Variants in AGBL1 observed in about 807,000 individuals in gnomAD.
AGBL1 encodes cytosolic carboxypeptidase 4.
In AGBL1, 130 loss-of-function variants were observed where a neutral mutation model predicts 118.9. That is an observed-to-expected ratio of 1.09 (90% CI 0.95 to 1.26). The LOEUF (loss-of-function observed/expected upper bound fraction) is 1.26. AGBL1 is among the 50% of genes most tolerant of loss of function. AGBL1 has a pLI of 0.00. For synonymous variants in AGBL1, 555 were observed against 478.9 expected (o/e 1.16, Z -2.08); for missense variants, 1,584 against 1,298.1 (o/e 1.22, Z -3.38).
chr15:86,384,887 G>C (rs1270808625), intron 17 of AGBL1, among the ~76,000 whole-genome samples: 3 of 152,184 alleles, frequency 2.0e-5, no homozygotes, highest in African/African-American at 7.2e-5. Flanking sequence ...CAGCAAAACA[G>C]AATGTTTTGA....
intron 19 of AGBL1, among the ~76,000 whole-genome samples, chr15:86,545,327 G>T (rs889758480): frequency 3.3e-5 from 5 of 152,158 alleles, no homozygotes; most frequent in African/African-American, 1.2e-4. Context: ...AAATTAGAGT[G>T]ATTGATTAGC....
intron 5 of AGBL1, among the ~76,000 whole-genome samples, chr15:86,196,042 G>A (rs57291843): frequency 0.061 from 9,283 of 152,012 alleles, 438 homozygotes; most frequent in East Asian, 0.22. Flanking sequence ...AAAAACCATA[G>A]GATATCTGAT....
At chr15:86,411,640 C>T (rs573096112) in intron 18 of AGBL1, among the ~76,000 whole-genome samples, 2 of 152,228 alleles carry the variant, frequency 1.3e-5, no homozygotes, top group African/African-American at 4.8e-5. Context: ...ACAGAAAATG[C>T]TTTCTTCTCT....
At chr15:86,932,675 T>C (rs1422676087) in intron 23 of AGBL1, among the ~76,000 whole-genome samples, 2 of 152,336 alleles carry the variant, frequency 1.3e-5, no homozygotes, top group East Asian at 3.9e-4. Context: ...CAAAATCGCT[T>C]TGCAATGACA....
At chr15:86,725,573 C>T (rs1301176895) in intron 22 of AGBL1, among the ~76,000 whole-genome samples, 5 of 152,258 alleles carry the variant, frequency 3.3e-5, no homozygotes, top group South Asian at 2.1e-4. Context: ...CCTTTGTATG[C>T]GTGAATCTGC....
intron 22 of AGBL1, among the ~76,000 whole-genome samples, chr15:86,857,406 A>G (rs2141472369): frequency 6.6e-6 from 1 of 152,150 alleles, no homozygotes; most frequent in African/African-American, 2.4e-5. Flanking sequence ...TCGAGCCCAC[A>G]TCCATGCCTC....
chr15:86,171,892 A>C (rs940448645), intron 5 of AGBL1, among the ~76,000 whole-genome samples: 2 of 152,222 alleles, frequency 1.3e-5, no homozygotes, highest in African/African-American at 4.8e-5. Context: ...CATTCACAAC[A>C]ACCTAGATGA....
intron 6 of AGBL1, among the ~76,000 whole-genome samples, chr15:86,238,964 G>C (rs2078598827): frequency 6.6e-6 from 1 of 152,060 alleles, no homozygotes; most frequent in Non-Finnish European, 1.5e-5. Flanking sequence ...GTGCAGCATT[G>C]CAACCTAAGG....
At chr15:86,551,005 A>G (rs1281990351) in intron 20 of AGBL1, among the ~76,000 whole-genome samples, 4 of 152,062 alleles carry the variant, frequency 2.6e-5, no homozygotes, top group East Asian at 3.8e-4. Flanking sequence ...AGGAAATCCA[A>G]TGGGTAATTA....
chr15:86,943,629 C>T (rs1256965498), intron 23 of AGBL1, among the ~76,000 whole-genome samples: 1 of 152,186 alleles, frequency 6.6e-6, no homozygotes, highest in East Asian at 1.9e-4. Context: ...CGGCCGGCAC[C>T]ATGTTGCCTG....
At chr15:86,361,343 A>G (rs2080802141) in intron 17 of AGBL1, among the ~76,000 whole-genome samples, 2 of 152,040 alleles carry the variant, frequency 1.3e-5, no homozygotes, top group Admixed American at 1.3e-4. Flanking sequence ...TGAATTTGTT[A>G]AGAATTGTTT....
intron 18 of AGBL1, among the ~76,000 whole-genome samples, chr15:86,450,297 C>T (rs1024960421): frequency 6.6e-6 from 1 of 152,116 alleles, no homozygotes; most frequent in Admixed American, 6.5e-5. Context: ...CACATTTTTT[C>T]CTTGTCAAAT....
intron 22 of AGBL1, among the ~76,000 whole-genome samples, chr15:86,775,263 G>C (rs2078238335): frequency 6.6e-6 from 1 of 152,148 alleles, no homozygotes; most frequent in African/African-American, 2.4e-5. Flanking sequence ...CAGATAGCAG[G>C]GTTGGGAGTA....
intron 1 of AGBL1, among the ~76,000 whole-genome samples, chr15:86,101,626 T>C (rs1896723924): frequency 6.6e-6 from 1 of 151,818 alleles, no homozygotes; most frequent in Non-Finnish European, 1.5e-5. Flanking sequence ...TGTAATGACA[T>C]TTGTCTTTTT....
intron 5 of AGBL1, among the ~76,000 whole-genome samples, chr15:86,197,282 T>C (rs1276701307): frequency 6.6e-6 from 1 of 152,028 alleles, no homozygotes; most frequent in Non-Finnish European, 1.5e-5. Context: ...TGGTGAGGAC[T>C]GAAAAAGGAA....
At chr15:86,083,818 T>C (rs949321309) in intron 1 of AGBL1, 2 of 152,234 alleles carry the variant, frequency 1.3e-5, no homozygotes, top group Non-Finnish European at 2.9e-5. Flanking sequence ...AATTTTCCCT[T>C]GTAGAACTCT....
At chr15:86,738,893 G>A (rs908403781) in intron 22 of AGBL1, among the ~76,000 whole-genome samples, 4 of 151,732 alleles carry the variant, frequency 2.6e-5, no homozygotes, top group Non-Finnish European at 5.9e-5. Context: ...AATCTCAACA[G>A]TTTGGGAGTC....
At chr15:86,084,239 A>C (rs527245723) in intron 1 of AGBL1, among the ~76,000 whole-genome samples, 2 of 152,276 alleles carry the variant, frequency 1.3e-5, no homozygotes, top group East Asian at 3.9e-4. Context: ...GCGTATGCTG[A>C]GCTTTAAGTG....
intron 6 of AGBL1, among the ~76,000 whole-genome samples, chr15:86,230,908 CA>C (rs1332769630): frequency 1.3e-5 from 2 of 152,066 alleles, no homozygotes; most frequent in Non-Finnish European, 2.9e-5. Context: ...GACACAGTCA[CA>C]AAAAACAGGG....
Sources: gnomAD v4.1 joint callset for allele counts (sites outside exome capture counted in the v4.1 genomes callset) on GRCh38, gnomAD v4.1.1 for gene constraint, MANE v1.5 for transcripts, NCBI Gene and HGNC (gene_info 2026-07-23, HGNC 2026-07-21) for gene names.